Variants in SMYD3 observed in about 807,000 individuals in gnomAD.
SMYD3 encodes the protein SET and MYND domain containing 3.
A neutral mutation model predicts 57.7 loss-of-function variants in SMYD3; 36 were observed. The observed-to-expected ratio is 0.62, with a 90% CI of 0.48 to 0.82. The LOEUF is 0.82. SMYD3 is among the 40% of genes least tolerant of loss of function. SMYD3 has a pLI of 0.00. For missense variants in SMYD3, 515 were observed against 538.8 expected, an observed-to-expected ratio of 0.96 and a Z score of 0.44; for synonymous variants, 211 against 195.0, an observed-to-expected ratio of 1.08 and a Z score of -0.68.
At position 246,355,238 on chromosome 1, in the gene SMYD3, CACACTGATGA is replaced by C; in HGVS notation, c.165-154_165-145del. 1.4e-6 allele frequency: 1 copy of C among 731,310 alleles called. No homozygotes were observed. The highest frequency in any genetic ancestry group is 2.3e-6 in the Non-Finnish European group (1 of 438,248). 45.3% of individuals were successfully genotyped at this position (731,310 alleles called of 1,614,324 possible). A position where few individuals can be genotyped will look rare whatever the true frequency, so the allele number is the denominator to read the frequency against. On this transcript the variant is annotated intron_variant, in intron 1 of 11. Coordinates refer to ENST00000490107, the MANE Select transcript of SMYD3 (RefSeq NM_001167740.2). This position sits in a 1 kb window ranked among gnomAD's most constrained non-coding sequence, Gnocchi z 5.0. ...TACAGTCCCTTAAGATTTGGATTTT[CACACTGATGA>C]GCCTCCTCTTGAACCTTCCATGTGA...
intron 5 of SMYD3, among the ~76,000 whole-genome samples, chr1:246,140,559 C>T (rs2061737456): frequency 1.3e-5 from 2 of 152,174 alleles, no homozygotes; most frequent in Admixed American, 6.5e-5. Context: ...AAAGTTTATA[C>T]TTTAAAGCAT....
chr1:246,282,451 G>A (rs1336352983), intron 5 of SMYD3, among the ~76,000 whole-genome samples: 1 of 150,950 alleles, frequency 6.6e-6, no homozygotes, highest in African/African-American at 2.4e-5. Context: ...GTGAGCTGTG[G>A]GCCAAGGTGG....
At chr1:245,931,079 C>G (rs1414118452) in intron 5 of SMYD3, among the ~76,000 whole-genome samples, 1 of 152,168 alleles carries the variant, frequency 6.6e-6, no homozygotes, top group Non-Finnish European at 1.5e-5. Context: ...AACACGAGCT[C>G]AAAGACGGAG....
intron 10 of SMYD3, among the ~76,000 whole-genome samples, chr1:245,793,714 T>C (rs1056897884): frequency 1.3e-5 from 2 of 152,058 alleles, no homozygotes; most frequent in African/African-American, 4.8e-5. Flanking sequence ...CCCATCCATA[T>C]AGCTATTTTC....
chr1:246,225,321 C>CAAAA lies in SMYD3; in HGVS notation c.531+101876_531+101879dup, dbSNP rs60915002. 4.5e-4 allele frequency among the ~76,000 whole-genome samples: 34 copies of CAAAA among 76,290 alleles called. 5 individuals are homozygous for CAAAA. The highest frequency in any genetic ancestry group is 6.9e-4 in the Non-Finnish European group (23 of 33,444). 50.0% of individuals were successfully genotyped at this position (76,290 alleles called of 152,430 possible). On this transcript the variant is annotated intron_variant, in intron 5 of 11. Coordinates refer to ENST00000490107, the MANE Select transcript of SMYD3 (RefSeq NM_001167740.2). ...GTTATGTGGAAGACTGCTGAAAAGT[C>CAAAA]AAAAAAAAAAAAAAAAAAAAAAAAA...
intron 5 of SMYD3, among the ~76,000 whole-genome samples, chr1:246,086,759 C>A (rs924788159): frequency 6.6e-6 from 1 of 151,338 alleles, no homozygotes; most frequent in African/African-American, 2.4e-5. Flanking sequence ...GATACATGTG[C>A]GGGACCTGCA....
intron 5 of SMYD3, among the ~76,000 whole-genome samples, chr1:246,260,444 G>GT (rs199824788): frequency 0.059 from 8,949 of 150,926 alleles, 428 homozygotes; most frequent in African/African-American, 0.12. Context: ...TGTTGTTGTT[G>GT]TTTTTTGTTT....
At chr1:246,110,865 G>A (rs138716694) in intron 5 of SMYD3, among the ~76,000 whole-genome samples, 2 of 152,140 alleles carry the variant, frequency 1.3e-5, no homozygotes, top group Non-Finnish European at 2.9e-5. Flanking sequence ...CAATTTAAAA[G>A]TACTGTAATT....
intron 5 of SMYD3, among the ~76,000 whole-genome samples, chr1:246,001,805 TGC>T (rs2059052460): frequency 6.6e-6 from 1 of 152,198 alleles, no homozygotes; most frequent in Non-Finnish European, 1.5e-5. Flanking sequence ...TGAATATCAA[TGC>T]TCTGCCTTTT....
At chr1:246,409,857 A>G (rs1443574723) in intron 1 of SMYD3, among the ~76,000 whole-genome samples, 1 of 152,136 alleles carries the variant, frequency 6.6e-6, no homozygotes, top group Non-Finnish European at 1.5e-5. Context: ...TTCATTGAGC[A>G]GTGGTTTATA....
intron 1 of SMYD3, among the ~76,000 whole-genome samples, chr1:246,429,383 A>G (rs2067267140): frequency 6.6e-6 from 1 of 152,210 alleles, no homozygotes; most frequent in Admixed American, 6.5e-5. Flanking sequence ...TAAAAACAGT[A>G]TAGCACTGCC....
At chr1:245,797,468 C>G (rs868645299) in intron 10 of SMYD3, among the ~76,000 whole-genome samples, 4 of 139,444 alleles carry the variant, frequency 2.9e-5, no homozygotes, top group African/African-American at 8.2e-5. Flanking sequence ...TAGGTGGGAA[C>G]TGAACAATGA....
At chr1:246,246,201 T>C (rs1354872059) in intron 5 of SMYD3, among the ~76,000 whole-genome samples, 1 of 152,200 alleles carries the variant, frequency 6.6e-6, no homozygotes, top group Non-Finnish European at 1.5e-5. Flanking sequence ...GGTGGCTTTC[T>C]TTAGTTAAAA....
chr1:246,292,710 A>G (rs996960609), intron 5 of SMYD3, among the ~76,000 whole-genome samples: 6 of 152,194 alleles, frequency 3.9e-5, no homozygotes, highest in Non-Finnish European at 8.8e-5. Context: ...CCTTAAACAG[A>G]AGACCATGAA....
At chr1:245,769,299 G>A (rs1165827125) in intron 10 of SMYD3, among the ~76,000 whole-genome samples, 5 of 152,158 alleles carry the variant, frequency 3.3e-5, no homozygotes, top group Admixed American at 6.5e-5. Flanking sequence ...GCCATCCGAC[G>A]CAGAAGGAAT....
At chr1:246,441,867 C>G (rs576417745) in intron 1 of SMYD3, among the ~76,000 whole-genome samples, 1 of 152,340 alleles carries the variant, frequency 6.6e-6, no homozygotes, top group South Asian at 2.1e-4. Flanking sequence ...CCGCCTCGGG[C>G]CCCCAGGGTG....
chr1:246,357,775 A>T (rs1366675687), intron 1 of SMYD3, among the ~76,000 whole-genome samples: 1 of 152,234 alleles, frequency 6.6e-6, no homozygotes, highest in African/African-American at 2.4e-5. Context: ...AGAATTCGCC[A>T]CTACCAAGCC....
chr1:245,946,284 A>G (rs2057426037), intron 5 of SMYD3, among the ~76,000 whole-genome samples: 1 of 152,138 alleles, frequency 6.6e-6, no homozygotes, highest in Non-Finnish European at 1.5e-5. Context: ...GTTGTTCCAA[A>G]CTTACTTGTC....
At chr1:246,090,992 G>A (rs984809035) in intron 5 of SMYD3, among the ~76,000 whole-genome samples, 2 of 152,192 alleles carry the variant, frequency 1.3e-5, no homozygotes, top group Non-Finnish European at 2.9e-5. Context: ...GAAATGGTGA[G>A]CAGAGGAACG....
Sources: allele counts gnomAD v4.1 joint callset (sites outside exome capture counted in the v4.1 genomes callset), GRCh38; gene constraint gnomAD v4.1.1; non-coding constraint Gnocchi (gnomAD v3.1); transcripts MANE v1.5; gene names NCBI Gene and HGNC (gene_info 2026-07-23, HGNC 2026-07-21).